BRF1: variants seen among roughly 807,000 people sequenced by gnomAD.
The protein encoded by BRF1 is transcription factor IIIB 90 kDa subunit.
BRF1 carries 59 observed loss-of-function variants against 81.7 expected under a neutral mutation model. That is an observed-to-expected ratio of 0.72 (90% CI 0.59 to 0.90). The LOEUF (loss-of-function observed/expected upper bound fraction) is 0.90. Ranked by LOEUF, BRF1 falls within the 40% of genes least tolerant of loss-of-function variation. The pLI is 0.00. For missense variants in BRF1, 1,050 were observed against 936.3 expected (o/e 1.12, Z -1.58); for synonymous variants, 491 against 395.6 (o/e 1.24, Z -2.86).
rs750188032 is a variant in BRF1 at position 105,241,368 on chromosome 14, C to T, written c.591G>A (p.Gly197=). ...TCATGGACACCTCGTGGTTCTTCTC[C>T]CCGAATTCCAGCAGGTGCGCAAAGC... ...IPRFAHLLEF[G]EKNHEVSMTA... is the part of the protein sequence containing the mutation. Residue 197 remains glycine (G), a synonymous_variant, in exon 6 of 18, where the codon GGG becomes GGA. Transcript: ENST00000547530. 4 of 1,612,786 alleles carry T rather than the reference C, an allele frequency of 2.5e-6. No homozygotes were observed. The highest frequency in any genetic ancestry group is 2.5e-6 in the Non-Finnish European group (3 of 1,179,936).
chr14:105,287,666 G>C (rs1402214049), intron 1 of BRF1, among the ~76,000 whole-genome samples: 2 of 152,210 alleles, frequency 1.3e-5, no homozygotes, highest in African/African-American at 4.8e-5. Context: ...GCGTCATCCA[G>C]GGGCAGCCAC....
Position 105,209,291 on chromosome 14 carries a change from G to T in BRF1, c.*1260C>A. 2.0e-6 allele frequency: 1 copy of T among 492,734 alleles called. No homozygotes were observed. The highest frequency in any genetic ancestry group is 3.7e-6 in the Non-Finnish European group (1 of 272,338). 30.5% of individuals were successfully genotyped at this position (492,734 alleles called of 1,614,324 possible). A position where few individuals can be genotyped will look rare whatever the true frequency, so the allele number is the denominator to read the frequency against. ...ATCAGACAAGCCTCAGGCAATTTCTGTTAAGTAACAACAGATCTTCCTGCT... is the reference window on the plus strand; with the variant it reads ...ATCAGACAAGCCTCAGGCAATTTCTTTTAAGTAACAACAGATCTTCCTGCT... On this transcript the variant is annotated 3_prime_UTR_variant, in exon 18 of 18. Transcript: ENST00000547530.
chr14:105,227,994 C>A (rs915237829), intron 7 of BRF1: 1 of 152,186 alleles, frequency 6.6e-6, no homozygotes, highest in African/African-American at 2.4e-5. Context: ...GCGGTGCAGG[C>A]GAGCTGTGAG....
intron 10 of BRF1, among the ~76,000 whole-genome samples, chr14:105,224,221 T>C (rs1302586385): frequency 6.6e-6 from 1 of 152,114 alleles, no homozygotes. Flanking sequence ...ATACAAAAAT[T>C]AGCTGGGCGT....
chr14:105,227,853 T>C (rs1285814524), intron 7 of BRF1: 1 of 152,200 alleles, frequency 6.6e-6, no homozygotes, highest in African/African-American at 2.4e-5. Flanking sequence ...TTTTGGAAAA[T>C]GCCACAGGAC....
intron 2 of BRF1, 61 bp from the exon 3 acceptor site, chr14:105,272,955 C>A: frequency 6.7e-7 from 1 of 1,486,152 alleles, no homozygotes; most frequent in Non-Finnish European, 9.0e-7. Flanking sequence ...AAAAGTATCA[C>A]ACGGCCACAG....
chr14:105,312,096 G>A (rs778263963), intron 1 of BRF1, among the ~76,000 whole-genome samples: 7 of 152,244 alleles, frequency 4.6e-5, no homozygotes, highest in Non-Finnish European at 8.8e-5. Flanking sequence ...CCTGCTGTGT[G>A]TCTGTGTCAT....
chr14:105,217,526 C>G lies in BRF1; in HGVS notation c.1772+18G>C. On this transcript the variant is annotated intron_variant, in intron 15 of 17. Transcript: ENST00000547530. The stretch of plus-strand genomic sequence containing the variant: ...CTGGGCTGCTGCCCTAACCCAGCCA[C>G]TCAGGACAGGATGGTACCTTTTCCC... 1 of 1,606,382 alleles carries G rather than the reference C, an allele frequency of 6.2e-7. No individual in the cohort carries two copies. The highest frequency in any genetic ancestry group is 1.7e-4 in the Middle Eastern group (1 of 6,046).
intron 1 of BRF1, chr14:105,314,417 T>C: frequency 7.1e-6 from 1 of 141,262 alleles, no homozygotes; most frequent in Admixed American, 7.0e-5. Flanking sequence ...CGGGACCCGG[T>C]GGACCCCCAC....
At chr14:105,285,578 C>A (rs929408886) in intron 2 of BRF1, among the ~76,000 whole-genome samples, 3 of 152,192 alleles carry the variant, frequency 2.0e-5, no homozygotes, top group Admixed American at 6.5e-5. Flanking sequence ...AAGCACAAAT[C>A]TTCACGATTT....
Position 105,252,487 on chromosome 14 carries a change from C to T in BRF1, c.544+20G>A. 1 of 1,612,276 alleles carries T rather than the reference C, an allele frequency of 6.2e-7. No homozygotes were observed. The highest frequency in any genetic ancestry group is 8.5e-7 in the Non-Finnish European group (1 of 1,179,306). On this transcript the variant is annotated intron_variant, in intron 5 of 17. Coordinates refer to ENST00000547530, the MANE Select transcript of BRF1 (RefSeq NM_001519.4). ...TACAGCAGCCTGCCGGACACCCCAGCATCTCACCCAGATGCCTACCTATGG... is the reference window on the plus strand; with the variant it reads ...TACAGCAGCCTGCCGGACACCCCAGTATCTCACCCAGATGCCTACCTATGG...
rs1890699643 is a variant in BRF1, at chr14:105,213,204, T to G, written c.1773-1040A>C. 2.0e-5 allele frequency: 3 copies of G among 152,330 alleles called. No homozygotes were observed. The South Asian group carries it at 6.2e-4, about 31-fold the overall frequency. 9.4% of individuals were successfully genotyped at this position (152,330 alleles called of 1,614,324 possible). On this transcript the variant is annotated intron_variant, in intron 15 of 17. Transcript: ENST00000547530. The stretch of plus-strand genomic sequence containing the variant: ...GCAGCTGGCCCTGCAGCGGGGCTTC[T>G]CAGCAGGCTGACCTCAATGAGACAC...
chr14:105,227,151 G>A (rs890871415), intron 7 of BRF1: 1 of 230,036 alleles, frequency 4.3e-6, no homozygotes, highest in South Asian at 5.6e-5. Context: ...CAGGTGCTGT[G>A]GCTCATGCCT....
chr14:105,221,384 C>T (rs893194623), intron 11 of BRF1, among the ~76,000 whole-genome samples: 1 of 152,222 alleles, frequency 6.6e-6, no homozygotes, highest in Admixed American at 6.5e-5. Flanking sequence ...CTCCGTGGCC[C>T]CTGTGACCTG....
intron 8 of BRF1, 90 bp from the exon 9 acceptor site, chr14:105,226,380 A>G (rs1019828961): frequency 3.9e-6 from 6 of 1,557,254 alleles, no homozygotes; most frequent in Non-Finnish European, 5.3e-6. Context: ...CAGGGACCAC[A>G]GGCTGCTAGA....
At chr14:105,291,575 G>A (rs1004849633) in intron 1 of BRF1, among the ~76,000 whole-genome samples, 2 of 151,914 alleles carry the variant, frequency 1.3e-5, no homozygotes. Flanking sequence ...CCAGCTACTC[G>A]GGAGGCTGAG....
In BRF1 at chr14:105,248,508, A is replaced by G. The variant is rs1160351996; in HGVS notation, c.544+3999T>C. The G allele has an allele frequency of 1.2e-5, 12 of 973,808 alleles. No homozygotes were observed. In the Admixed American group the frequency reaches 2.0e-4, roughly 16 times the overall value. The allele number at this position is 973,808 out of a possible 1,614,324, so 60.3% of individuals were successfully genotyped here. On this transcript the variant is annotated intron_variant, in intron 5 of 17. Transcript: ENST00000547530. ...CTGGGGGCGGGGCCGCGAGGCAGCG[A>G]CGTCGCGCGGGGCGCGGCCCTGACG... is the stretch of plus-strand genomic sequence containing the variant.
intron 16 of BRF1, chr14:105,211,803 G>A: frequency 2.1e-6 from 1 of 478,026 alleles, no homozygotes; most frequent in Non-Finnish European, 3.8e-6. Context: ...CTGTGACCTG[G>A]CAGTGCCTGC....
At chr14:105,260,415 A>C (rs903849620) in intron 3 of BRF1, among the ~76,000 whole-genome samples, 1 of 151,726 alleles carries the variant, frequency 6.6e-6, no homozygotes, top group Non-Finnish European at 1.5e-5. Context: ...CCTGTCGCCC[A>C]GGCTGGAGTG....
Sources: gnomAD v4.1 joint callset for allele counts (sites outside exome capture counted in the v4.1 genomes callset) on GRCh38, gnomAD v4.1.1 for gene constraint, MANE v1.5 for transcripts, NCBI Gene and HGNC (gene_info 2026-07-23, HGNC 2026-07-21) for gene names.